The following SEMA3D variants were observed in gnomAD, a reference collection of about 807,000 sequenced individuals.
SEMA3D encodes the protein semaphorin 3D.
Under a neutral mutation model 100.1 loss-of-function variants are expected in SEMA3D, and 84 were observed. The ratio of observed to expected loss-of-function variants is 0.84; its 90% CI spans 0.70 to 1.01. The LOEUF (loss-of-function observed/expected upper bound fraction) is 1.01, where lower values mean the gene tolerates loss of function less well. SEMA3D is among the 50% of genes least tolerant of loss of function. The probability of loss-of-function intolerance (pLI) is 0.00; values close to 1 mark genes in which losing one functional copy is unlikely to be tolerated. For synonymous variants in SEMA3D, 312 were observed against 320.7 expected (o/e 0.97, Z 0.29); for missense variants, 875 against 934.1 (o/e 0.94, Z 0.82).
chr7:85,117,401 G>A (rs988922862), intron 3 of SEMA3D, among the ~76,000 whole-genome samples: 2 of 152,170 alleles, frequency 1.3e-5, no homozygotes, highest in Non-Finnish European at 2.9e-5. Context: ...ATGATGGCTT[G>A]TTATACAGCA....
chr7:85,225,104 ATACAT>A, the SEMA3D span, among the ~76,000 whole-genome samples: 3 of 20,692 alleles, frequency 1.4e-4, no homozygotes, highest in Admixed American at 1.4e-3. Flanking sequence ...ATATATATAT[ATACAT>A]ACATATATAC....
intron 1 of SEMA3D, among the ~76,000 whole-genome samples, chr7:85,179,041 T>A (rs1791322077): frequency 6.6e-6 from 1 of 152,226 alleles, no homozygotes; most frequent in Admixed American, 6.5e-5. Flanking sequence ...TGGGAAACTC[T>A]GCCTAGATTT....
the SEMA3D span, among the ~76,000 whole-genome samples, chr7:85,239,738 G>A: frequency 2.0e-5 from 3 of 152,264 alleles, no homozygotes; most frequent in South Asian, 2.1e-4. Flanking sequence ...AGTTGTAGTC[G>A]ATAGCTACTA....
chr7:85,006,622 T>G (rs1789802779), intron 18 of SEMA3D, among the ~76,000 whole-genome samples, 180 bp downstream of exon 18: 1 of 151,968 alleles, frequency 6.6e-6, no homozygotes, highest in Admixed American at 6.6e-5. Context: ...CGAATACATT[T>G]GTGTGAAGTT....
At chr7:85,124,760 T>C (rs575688546) in intron 2 of SEMA3D, among the ~76,000 whole-genome samples, 8 of 152,192 alleles carry the variant, frequency 5.3e-5, no homozygotes, top group African/African-American at 1.7e-4. Context: ...GGGAAGAGAA[T>C]GTGGCATAAT....
chr7:85,244,914 G>A, the SEMA3D span, among the ~76,000 whole-genome samples: 67 of 152,098 alleles, frequency 4.4e-4, no homozygotes, highest in East Asian at 2.1e-3. Flanking sequence ...GATTCACCAC[G>A]TTGGCCAGGA....
At chr7:85,019,839 G>C (rs1363621200) in intron 14 of SEMA3D, among the ~76,000 whole-genome samples, 1 of 151,440 alleles carries the variant, frequency 6.6e-6, no homozygotes, top group Non-Finnish European at 1.5e-5. Flanking sequence ...CAGAAAAGCA[G>C]GGACACATGA....
At chr7:85,028,384 CAAAAAAA>C (rs61589019) in intron 12 of SEMA3D, 143 of 183,746 alleles carry the variant, frequency 7.8e-4, no homozygotes, top group Middle Eastern at 4.0e-3. Context: ...ACAGTTTAGA[CAAAAAAA>C]AAAAAAAAAA....
At chr7:85,091,662 A>G (rs1450874805) in intron 4 of SEMA3D, among the ~76,000 whole-genome samples, 1 of 152,066 alleles carries the variant, frequency 6.6e-6, no homozygotes, top group Non-Finnish European at 1.5e-5. Flanking sequence ...TCAAACTGAC[A>G]GTTACTATGT....
intron 11 of SEMA3D, among the ~76,000 whole-genome samples, chr7:85,037,681 T>C (rs544525005): frequency 6.6e-6 from 1 of 152,196 alleles, no homozygotes; most frequent in East Asian, 1.9e-4. Context: ...TGTATTACAG[T>C]AGCTCATCTG....
the SEMA3D span, among the ~76,000 whole-genome samples, chr7:85,244,381 C>T: frequency 6.6e-6 from 1 of 152,186 alleles, no homozygotes; most frequent in African/African-American, 2.4e-5. Flanking sequence ...ATCCCCACTT[C>T]CACCAACACT....
At chr7:85,095,741 TTA>T in intron 4 of SEMA3D, among the ~76,000 whole-genome samples, 1 of 152,180 alleles carries the variant, frequency 6.6e-6, no homozygotes, top group Admixed American at 6.6e-5. Flanking sequence ...ATTATACATT[TTA>T]TAGAGATATA....
intron 2 of SEMA3D, among the ~76,000 whole-genome samples, chr7:85,143,529 T>C (rs1486635736): frequency 6.6e-6 from 1 of 152,130 alleles, no homozygotes. Context: ...AGTATTTATG[T>C]ATTTAAACTT....
chr7:85,102,689 G>A (rs888547332), intron 3 of SEMA3D, among the ~76,000 whole-genome samples: 5 of 152,040 alleles, frequency 3.3e-5, no homozygotes, highest in African/African-American at 1.2e-4. Flanking sequence ...GAAAGGTGGG[G>A]TCAGGAAGAC....
At chr7:85,075,382 G>A (rs1304233469) in intron 5 of SEMA3D, among the ~76,000 whole-genome samples, 4 of 150,752 alleles carry the variant, frequency 2.7e-5, no homozygotes, top group Non-Finnish European at 5.9e-5. Context: ...ATGGTCCAGG[G>A]CAACATTTTA....
chr7:85,177,483 T>C lies in SEMA3D; in HGVS notation c.-173+9195A>G, dbSNP rs182580719. ...TCACACAGTAATTTTGGCAAGAATC[T>C]TGGAAGCATAATCATCATCTGGAAT... On this transcript the variant is annotated intron_variant, in intron 1 of 18. Coordinates refer to ENST00000284136, the MANE Select transcript of SEMA3D (RefSeq NM_001384900.1). Among the ~76,000 whole-genome samples the C allele has an allele frequency of 1.9e-3, 291 of 152,264 alleles. 1 individual carries two copies. The highest frequency in any genetic ancestry group is 6.7e-3 in the African/African-American group (277 of 41,556).
intron 2 of SEMA3D, among the ~76,000 whole-genome samples, chr7:85,147,370 C>CA (rs1323233220): frequency 6.6e-6 from 1 of 151,824 alleles, no homozygotes; most frequent in South Asian, 2.1e-4. Flanking sequence ...AGGCTGGTCT[C>CA]AAAAACCAAC....
At chr7:85,139,013 A>G (rs563681082) in intron 2 of SEMA3D, among the ~76,000 whole-genome samples, 1 of 152,204 alleles carries the variant, frequency 6.6e-6, no homozygotes, top group Admixed American at 6.6e-5. Context: ...GTCAAAGATA[A>G]ATGTATAATT....
chr7:85,068,942 G>T lies in SEMA3D; in HGVS notation c.496-658C>A, dbSNP rs116647206. ...TTATAATAGTGACCACAGACAGAAT[G>T]ACATTGGCAGACTTTTAGTATTTGG... On this transcript the variant is annotated intron_variant, in intron 6 of 18. Transcript: ENST00000284136. 8.3e-3 allele frequency among the ~76,000 whole-genome samples: 1,263 copies of T among 152,180 alleles called. 10 individuals are homozygous for T. Among genetic ancestry groups the T allele is most frequent in the African/African-American group, 0.028 (1,173 of 41,542 alleles).
Sources: allele counts gnomAD v4.1 joint callset (sites outside exome capture counted in the v4.1 genomes callset), GRCh38; gene constraint gnomAD v4.1.1; transcripts MANE v1.5; gene names NCBI Gene and HGNC (gene_info 2026-07-23, HGNC 2026-07-21).